Variants in COL6A5 observed in about 807,000 individuals in gnomAD.
COL6A5 encodes the protein collagen type VI alpha 5 chain, also known as collagen alpha-5(VI) chain.
A neutral mutation model predicts 65.6 loss-of-function variants in COL6A5; 48 were observed. The observed-to-expected ratio is 0.73, with a 90% CI of 0.58 to 0.93. The LOEUF (loss-of-function observed/expected upper bound fraction) is 0.93, where lower values mean the gene tolerates loss of function less well. Ranked by LOEUF, COL6A5 falls within the 40% of genes least tolerant of loss-of-function variation. The pLI is 0.00. For synonymous variants in COL6A5, 291 were observed against 322.8 expected (o/e 0.90, Z 1.05); for missense variants, 914 against 928.3 (o/e 0.98, Z 0.20).
rs757650911 is a variant in COL6A5, at chr3:130,469,440, A to G, written c.2192A>G (p.Tyr731Cys). The change falls in exon 6 of 8, where the codon TAT becomes TGT. Residue 731 changes from tyrosine to cysteine, a missense_variant. Physicochemically the swap from Tyr to Cys is radical, Grantham distance 194. Coordinates refer to ENST00000512836, the Ensembl canonical transcript of COL6A5. ...CGAACCCACAAGCCAGATTGGAACT[A>G]TATCATCAAGTTTGTCAAGCCATTT... The G allele has an allele frequency of 9.3e-6, 15 of 1,612,532 alleles. No homozygotes were observed. In the East Asian group the frequency reaches 2.0e-4, roughly 22 times the overall value.
chr3:130,444,591 G>C (rs1709264250), intron 4 of COL6A5, among the ~76,000 whole-genome samples: 1 of 152,120 alleles, frequency 6.6e-6, no homozygotes, highest in South Asian at 2.1e-4. Context: ...AATGTGCCAT[G>C]GTGATGAAGG....
At chr3:130,353,444 C>G (rs1934794978) in intron 1 of COL6A5, among the ~76,000 whole-genome samples, 1 of 152,112 alleles carries the variant, frequency 6.6e-6, no homozygotes, top group African/African-American at 2.4e-5. Context: ...CAACACAGTT[C>G]TGTAAATCAA....
exon 4 of COL6A5, chr3:130,379,478 A>G: frequency 6.4e-7 from 1 of 1,551,264 alleles, no homozygotes; most frequent in Non-Finnish European, 8.7e-7. Flanking sequence ...CTGGTGGATG[A>G]GTCACTTGGG....
intron 5 of COL6A5, among the ~76,000 whole-genome samples, chr3:130,459,174 G>A (rs1335977129): frequency 6.6e-6 from 1 of 152,052 alleles, no homozygotes; most frequent in East Asian, 1.9e-4. Flanking sequence ...CAGGCCTTAG[G>A]ATAACTTCAA....
intron 13 of COL6A5, among the ~76,000 whole-genome samples, chr3:130,405,066 A>G (rs1239034849): frequency 4.6e-5 from 7 of 152,210 alleles, no homozygotes; most frequent in Non-Finnish European, 1.0e-4. Context: ...CCCTGCACGG[A>G]TAGTCTGACT....
At chr3:130,433,168 T>C (rs1388736221) in intron 1 of COL6A5, among the ~76,000 whole-genome samples, 2 of 152,144 alleles carry the variant, frequency 1.3e-5, no homozygotes, top group Non-Finnish European at 2.9e-5. Flanking sequence ...ACAAAAAGGA[T>C]TGCAGGAAGT....
chr3:130,448,235 G>A (rs537954487), intron 4 of COL6A5, among the ~76,000 whole-genome samples: 33 of 152,068 alleles, frequency 2.2e-4, no homozygotes, highest in Non-Finnish European at 4.3e-4. Flanking sequence ...GTAATGAAGC[G>A]AAAACCAGAA....
chr3:130,481,510 G>A (rs570056868), intron 7 of COL6A5, among the ~76,000 whole-genome samples: 17 of 152,220 alleles, frequency 1.1e-4, no homozygotes, highest in Admixed American at 2.6e-4. Flanking sequence ...AAATATACGT[G>A]TGCATGTGTC....
At chr3:130,345,895 T>G (rs1041701755) in exon 1 of COL6A5, 10 of 398,626 alleles carry the variant, frequency 2.5e-5, no homozygotes, top group Admixed American at 8.8e-5. Context: ...GCGCGTTTAC[T>G]GCGCTCAGGA....
chr3:130,483,723 G>A (rs1195981295), intron 7 of COL6A5, among the ~76,000 whole-genome samples: 2 of 152,148 alleles, frequency 1.3e-5, no homozygotes, highest in Non-Finnish European at 2.9e-5. Flanking sequence ...GCAAAACCTT[G>A]ATATTGTCTA....
rs1559863873 is a variant in COL6A5 at position 130,373,722 on chromosome 3, C to CT, written c.67+17_67+18insT. The CT allele has an allele frequency of 2.1e-6, 3 of 1,455,062 alleles. No individual in the cohort carries two copies. The highest frequency in any genetic ancestry group is 2.8e-6 in the Non-Finnish European group (3 of 1,067,916). 90.1% of individuals were successfully genotyped at this position (1,455,062 alleles called of 1,614,324 possible). ...AGAGCCCAGGTATCAGTATATTTTACGTTTATTATTATTTAGGAAATATTT... is the reference window on the plus strand; with the variant it reads ...AGAGCCCAGGTATCAGTATATTTTACTGTTTATTATTATTTAGGAAATATTT... On this transcript the variant is annotated intron_variant and NMD_transcript_variant, in intron 2 of 41. Transcript: ENST00000312481.
intron 1 of COL6A5, among the ~76,000 whole-genome samples, chr3:130,432,926 G>A (rs1487373896): frequency 6.6e-6 from 1 of 152,080 alleles, no homozygotes; most frequent in Non-Finnish European, 1.5e-5. Flanking sequence ...CTCTTCATCT[G>A]TTCAACAACT....
chr3:130,457,545 T>C lies in COL6A5; in HGVS notation c.1544+1879T>C, dbSNP rs116090847. ...TTCATAGCTCTAGCAGGGAAAAAAA[T>C]GTAAATCCTACCCCACCCAGTTTCT... On this transcript the variant is annotated intron_variant, in intron 5 of 7. Transcript: ENST00000512836. 1.7e-3 allele frequency among the ~76,000 whole-genome samples: 256 copies of C among 152,076 alleles called. 1 individual carries two copies. Among genetic ancestry groups the C allele is most frequent in the African/African-American group, 5.9e-3 (243 of 41,522 alleles).
intron 4 of COL6A5, among the ~76,000 whole-genome samples, chr3:130,455,004 G>T (rs115613848): frequency 0.015 from 2,295 of 152,072 alleles, 58 homozygotes; most frequent in African/African-American, 0.053. Context: ...GCCCAGCATG[G>T]TGGCATGCAT....
At chr3:130,414,029 C>T (rs983343418) in intron 21 of COL6A5, 40 bp from the exon 22 acceptor site, 15 of 1,386,612 alleles carry the variant, frequency 1.1e-5, no homozygotes, top group Admixed American at 2.0e-5. Flanking sequence ...ATGGAAACAA[C>T]GTGTAGAAAT....
At chr3:130,433,733 C>T (rs1937920647) in intron 1 of COL6A5, among the ~76,000 whole-genome samples, 1 of 152,034 alleles carries the variant, frequency 6.6e-6, no homozygotes, top group African/African-American at 2.4e-5. Flanking sequence ...CTGGATTTTA[C>T]CTATTGAGCT....
intron 5 of COL6A5, among the ~76,000 whole-genome samples, chr3:130,459,849 C>T (rs1322951984): frequency 6.6e-6 from 1 of 151,590 alleles, no homozygotes; most frequent in African/African-American, 2.4e-5. Context: ...TTTGTTTTTT[C>T]GTGGGCATAT....
At chr3:130,384,960 A>G in exon 5 of COL6A5, 1 of 1,551,016 alleles carries the variant, frequency 6.4e-7, no homozygotes, top group Non-Finnish European at 8.7e-7. Flanking sequence ...GTTGTGCAGT[A>G]TTCAGATGAC....
At chr3:130,354,649 C>T (rs1300586467) in intron 1 of COL6A5, among the ~76,000 whole-genome samples, 2 of 152,124 alleles carry the variant, frequency 1.3e-5, no homozygotes, top group East Asian at 1.9e-4. Context: ...GAGTCACTTC[C>T]TAGAAGTACT....
Sources: gnomAD v4.1 joint callset for allele counts (sites outside exome capture counted in the v4.1 genomes callset) on GRCh38, gnomAD v4.1.1 for gene constraint, MANE v1.5 for transcripts, NCBI Gene and HGNC (gene_info 2026-07-23, HGNC 2026-07-21) for gene names.